The following ADGRL2 variants were observed in gnomAD, a reference collection of about 807,000 sequenced individuals.
ADGRL2 encodes adhesion G protein-coupled receptor L2, also known as calcium-independent alpha-latrotoxin receptor 2.
ADGRL2 carries 44 observed loss-of-function variants against 157.4 expected under a neutral mutation model. The ratio of observed to expected loss-of-function variants is 0.28; its 90% CI spans 0.22 to 0.36. The LOEUF (loss-of-function observed/expected upper bound fraction) is 0.36, where lower values mean the gene tolerates loss of function less well. ADGRL2 is among the 10% of genes least tolerant of loss of function. ADGRL2 has a pLI of 1.00. For synonymous variants in ADGRL2, 585 were observed against 624.7 expected, an observed-to-expected ratio of 0.94 and a Z score of 0.95; for missense variants, 1,510 against 1,768.9, an observed-to-expected ratio of 0.85 and a Z score of 2.63.
At chr1:81,610,519 T>C (rs536865806) in intron 3 of ADGRL2, among the ~76,000 whole-genome samples, 1 of 152,284 alleles carries the variant, frequency 6.6e-6, no homozygotes, top group East Asian at 1.9e-4. Flanking sequence ...CTGAAGGCCA[T>C]GTTAAGAAAC....
At chr1:81,392,408 C>G (rs2076576451) in intron 1 of ADGRL2, among the ~76,000 whole-genome samples, 2 of 152,016 alleles carry the variant, frequency 1.3e-5, no homozygotes, top group South Asian at 4.1e-4. Context: ...GATACTAAGT[C>G]TCATCTATTT....
At chr1:81,633,013 G>T (rs537872973) in intron 3 of ADGRL2, among the ~76,000 whole-genome samples, 2 of 152,304 alleles carry the variant, frequency 1.3e-5, no homozygotes, top group African/African-American at 4.8e-5. Flanking sequence ...TAACCTGATT[G>T]TGAATGTTTT....
intron 14 of ADGRL2, 108 bp from the exon 15 acceptor site, chr1:81,969,070 C>A (rs995342913): frequency 2.5e-6 from 2 of 785,852 alleles, no homozygotes; most frequent in African/African-American, 3.4e-5. Flanking sequence ...GAATAGTATT[C>A]TTCAAAGAGT....
At chr1:81,497,119 G>A (rs1219877113) in intron 2 of ADGRL2, among the ~76,000 whole-genome samples, 1 of 152,126 alleles carries the variant, frequency 6.6e-6, no homozygotes, top group African/African-American at 2.4e-5. Flanking sequence ...TCCTGAATGT[G>A]CAGCAAGATT....
At chr1:81,344,042 T>C (rs1399430605) in intron 1 of ADGRL2, among the ~76,000 whole-genome samples, 5 of 152,288 alleles carry the variant, frequency 3.3e-5, no homozygotes, top group Admixed American at 1.3e-4. Context: ...CGTAGTAGAT[T>C]GACATGTGGT....
At chr1:81,793,625 G>A (rs2087452852) in intron 2 of ADGRL2, among the ~76,000 whole-genome samples, 1 of 151,834 alleles carries the variant, frequency 6.6e-6, no homozygotes, top group Admixed American at 6.6e-5. Context: ...ATATTCTTAA[G>A]GAAAGACAGT....
At position 81,400,585 on chromosome 1, in the gene ADGRL2, T is replaced by A. The variant is rs116540896; in HGVS notation, c.-301-44451T>A. 8.2e-3 allele frequency among the ~76,000 whole-genome samples: 1,250 copies of A among 152,170 alleles called. 19 individuals carry two copies. The highest frequency in any genetic ancestry group is 0.029 in the African/African-American group (1,187 of 41,522). ...GAGAACCTGAGCCAATAAGTCTCAGTGGCAGTGTGGGTCACAGGGGATGAA... is the reference window on the plus strand; with the variant it reads ...GAGAACCTGAGCCAATAAGTCTCAGAGGCAGTGTGGGTCACAGGGGATGAA... On this transcript the variant is annotated intron_variant, in intron 1 of 24. Transcript: ENST00000370721.
At chr1:81,746,612 G>A (rs956138690) in intron 1 of ADGRL2, among the ~76,000 whole-genome samples, 1 of 151,952 alleles carries the variant, frequency 6.6e-6, no homozygotes, top group Non-Finnish European at 1.5e-5. Flanking sequence ...ATTTAAAGCT[G>A]TTTAATCTAT....
intron 2 of ADGRL2, among the ~76,000 whole-genome samples, chr1:81,575,525 T>A (rs909558618): frequency 1.5e-4 from 23 of 152,140 alleles, no homozygotes; most frequent in African/African-American, 5.6e-4. Flanking sequence ...TCCATTAGAA[T>A]TAGGAGCAAG....
At chr1:81,501,609 G>A (rs2078848503) in intron 2 of ADGRL2, among the ~76,000 whole-genome samples, 1 of 152,222 alleles carries the variant, frequency 6.6e-6, no homozygotes, top group Admixed American at 6.5e-5. Flanking sequence ...CCCCGGCTGC[G>A]GAGGAGTCCG....
chr1:81,697,404 G>T (rs535873), upstream of ADGRL2, among the ~76,000 whole-genome samples: 42,087 of 152,052 alleles, frequency 0.28, 6,010 homozygotes, highest in Admixed American at 0.37. Flanking sequence ...TTGATTGATT[G>T]TTGCCAATCT....
In ADGRL2 at chr1:81,992,791, A is replaced by T. The variant is rs950654688; in HGVS notation, c.*1646A>T. On this transcript the variant is annotated 3_prime_UTR_variant, in exon 24 of 24. Coordinates refer to ENST00000686636, the MANE Select transcript of ADGRL2 (RefSeq NM_001366006.2). ...TAAACATACTTTAAGGATTATAAAT[A>T]TCCCTATAGACAGCTGTGAATACCA... Among the ~76,000 whole-genome samples, 5 of 151,998 alleles carry T rather than the reference A, an allele frequency of 3.3e-5. No homozygotes were observed. Among genetic ancestry groups the T allele is most frequent in the Non-Finnish European group, 7.4e-5 (5 of 68,008 alleles).
At chr1:81,754,879 A>T (rs184533327) in intron 1 of ADGRL2, among the ~76,000 whole-genome samples, 191 of 152,042 alleles carry the variant, frequency 1.3e-3, no homozygotes, top group African/African-American at 4.2e-3. Context: ...TGAGCATTTA[A>T]TGAGACAACG....
chr1:81,915,536 A>G (rs1557903849), intron 3 of ADGRL2, among the ~76,000 whole-genome samples: 1 of 152,200 alleles, frequency 6.6e-6, no homozygotes, highest in Non-Finnish European at 1.5e-5. Context: ...TGAGGAAACC[A>G]GAGTATTTTC....
intron 3 of ADGRL2, chr1:81,586,519 A>T (rs1393486306): frequency 6.6e-6 from 1 of 152,174 alleles, no homozygotes; most frequent in African/African-American, 2.4e-5. Flanking sequence ...TCACTAATAC[A>T]ACTTTTAATA....
At chr1:81,327,220 C>T (rs139768946) in intron 1 of ADGRL2, among the ~76,000 whole-genome samples, 1 of 151,988 alleles carries the variant, frequency 6.6e-6, no homozygotes, top group Non-Finnish European at 1.5e-5. Context: ...GACTGCAGAG[C>T]GGAATTAAGT....
intron 2 of ADGRL2, among the ~76,000 whole-genome samples, chr1:81,879,481 A>G (rs1255014829): frequency 6.7e-6 from 1 of 149,924 alleles, no homozygotes; most frequent in African/African-American, 2.5e-5. Flanking sequence ...TGTTATAGCT[A>G]TTTGGTTGGT....
chr1:81,865,280 T>C (rs1475912822), intron 2 of ADGRL2, among the ~76,000 whole-genome samples: 1 of 152,174 alleles, frequency 6.6e-6, no homozygotes, highest in East Asian at 1.9e-4. Context: ...TTATTGAGAG[T>C]TGATGAATGA....
chr1:81,870,926 G>T (rs534958079), intron 2 of ADGRL2, among the ~76,000 whole-genome samples: 10 of 142,902 alleles, frequency 7.0e-5, no homozygotes, highest in Non-Finnish European at 1.6e-4. Context: ...TTTTTTTGAA[G>T]ATTTTTTTTT....
Sources: gnomAD v4.1 joint callset for allele counts (sites outside exome capture counted in the v4.1 genomes callset) on GRCh38, gnomAD v4.1.1 for gene constraint, MANE v1.5 for transcripts, NCBI Gene and HGNC (gene_info 2026-07-23, HGNC 2026-07-21) for gene names.